The following ARAP2 variants were observed in gnomAD, a reference collection of about 807,000 sequenced individuals.
ARAP2 encodes arf-GAP with Rho-GAP domain, ANK repeat and PH domain-containing protein 2.
A neutral mutation model predicts 194.5 loss-of-function variants in ARAP2; 148 were observed. That is an observed-to-expected ratio of 0.76 (90% CI 0.67 to 0.87). ARAP2 has a LOEUF of 0.87. Among genes scored for constraint, ARAP2 ranks in the 40% least tolerant of loss-of-function variants. ARAP2 has a pLI of 0.00. For missense variants in ARAP2, 2,128 were observed against 1,989.7 expected, an observed-to-expected ratio of 1.07 and a Z score of -1.32; for synonymous variants, 695 against 683.5, an observed-to-expected ratio of 1.02 and a Z score of -0.26.
rs530978711 is a variant in ARAP2 at position 36,041,499 on chromosome 4, A to G, written n.607+4480T>C. On this transcript the variant is annotated intron_variant and non_coding_transcript_variant, in intron 5 of 12. Coordinates refer to the ARAP2 transcript ENST00000503225. ...AATGAGATACCATCTCACACTAATG[A>G]GAATGGCTATTACTAAAAAGTCAAA... is the stretch of plus-strand genomic sequence containing the variant. Among the ~76,000 whole-genome samples, 9 of 152,338 alleles carry G rather than the reference A, an allele frequency of 5.9e-5. 2 individuals are homozygous for G. In the South Asian group the frequency reaches 1.9e-3, roughly 32 times the overall value.
chr4:36,091,523 G>A (rs1449836813), intron 28 of ARAP2, among the ~76,000 whole-genome samples: 3 of 152,036 alleles, frequency 2.0e-5, no homozygotes, highest in Non-Finnish European at 2.9e-5. Context: ...TCATTTTATT[G>A]CACCTTTTAT....
At chr4:36,060,614 G>A (rs1175781182) in intron 1 of ARAP2, among the ~76,000 whole-genome samples, 3 of 152,096 alleles carry the variant, frequency 2.0e-5, no homozygotes, top group African/African-American at 7.2e-5. Context: ...ACTTTGCTAA[G>A]GTTACCATAA....
At chr4:36,055,954 C>G (rs527273320) in intron 2 of ARAP2, among the ~76,000 whole-genome samples, 4 of 152,300 alleles carry the variant, frequency 2.6e-5, no homozygotes, top group African/African-American at 9.6e-5. Context: ...TACATGATAG[C>G]ACAAACCAGA....
intron 10 of ARAP2, 73 bp downstream of exon 10, chr4:36,166,859 C>T (rs750068602): frequency 4.7e-5 from 38 of 801,816 alleles, no homozygotes; most frequent in Middle Eastern, 2.4e-4. Context: ...AAAATCACCA[C>T]GAACAACATA....
At chr4:36,142,533 C>T (rs1339682540) in intron 19 of ARAP2, among the ~76,000 whole-genome samples, 1 of 151,476 alleles carries the variant, frequency 6.6e-6, no homozygotes, top group Non-Finnish European at 1.5e-5. Flanking sequence ...CTGCTCTCCC[C>T]CAAGTCACCA....
intron 2 of ARAP2, among the ~76,000 whole-genome samples, chr4:36,217,586 T>C (rs1021402416): frequency 3.9e-5 from 6 of 152,032 alleles, no homozygotes; most frequent in Admixed American, 3.9e-4. Flanking sequence ...TTAGCAAACT[T>C]ACTAATAGGG....
At chr4:36,009,057 G>A (rs1258030931) in intron 9 of ARAP2, among the ~76,000 whole-genome samples, 1 of 152,078 alleles carries the variant, frequency 6.6e-6, no homozygotes, top group Non-Finnish European at 1.5e-5. Flanking sequence ...ACATATGTTG[G>A]TGAGGCTCTG....
rs770131995 is a variant in ARAP2 at position 36,121,269 on chromosome 4, A to G, written c.3804T>C (p.Phe1268=). The part of the protein sequence containing the change: ...HMNAHNLALV[F]SSCLFQTKGQ... ...CCTTCGTTTGAAACAAACAGGATGA[A>G]AAGACCAAGGCCAAATTATGGGCAT... is the stretch of plus-strand genomic sequence containing the variant. The change falls in exon 23 of 33, where the codon TTT becomes TTC. Residue 1268 remains phenylalanine (F), a synonymous_variant. Coordinates refer to ENST00000303965, the MANE Select transcript of ARAP2 (RefSeq NM_015230.4). 1 of 1,606,404 alleles carries G rather than the reference A, an allele frequency of 6.2e-7. No individual in the cohort carries two copies. The highest frequency in any genetic ancestry group is 8.5e-7 in the Non-Finnish European group (1 of 1,175,554).
chr4:36,241,122 A>G (rs550813698), intron 1 of ARAP2, among the ~76,000 whole-genome samples: 23 of 152,220 alleles, frequency 1.5e-4, no homozygotes, highest in Non-Finnish European at 2.8e-4. Flanking sequence ...AGAATAATTT[A>G]TTCTTCTAGA....
chr4:36,034,605 T>G (rs974988411), intron 5 of ARAP2, among the ~76,000 whole-genome samples: 1 of 152,270 alleles, frequency 6.6e-6, no homozygotes, highest in Non-Finnish European at 1.5e-5. Flanking sequence ...ATCTTTAGAC[T>G]TCTCTCTTCT....
chr4:36,203,458 C>T (rs556094583), intron 6 of ARAP2, among the ~76,000 whole-genome samples: 29 of 152,210 alleles, frequency 1.9e-4, no homozygotes, highest in African/African-American at 6.0e-4. Flanking sequence ...GTGATGTGTG[C>T]CTGTAATCCC....
At chr4:36,155,141 A>G (rs1731950275) in intron 15 of ARAP2, among the ~76,000 whole-genome samples, 1 of 152,242 alleles carries the variant, frequency 6.6e-6, no homozygotes, top group South Asian at 2.1e-4. Context: ...TTCTTCATTC[A>G]TTCCACAAAT....
intron 5 of ARAP2, among the ~76,000 whole-genome samples, chr4:36,029,331 G>A (rs1008697890): frequency 1.3e-5 from 2 of 151,766 alleles, no homozygotes; most frequent in African/African-American, 4.8e-5. Flanking sequence ...CGTACATTTT[G>A]GCCTATAATA....
intron 6 of ARAP2, among the ~76,000 whole-genome samples, chr4:36,210,024 A>T (rs527714510): frequency 1.3e-5 from 2 of 152,322 alleles, no homozygotes; most frequent in African/African-American, 4.8e-5. Flanking sequence ...AGCAAAAGCC[A>T]AACAGTGTGG....
chr4:36,144,239 A>G (rs149108928), intron 19 of ARAP2, among the ~76,000 whole-genome samples: 286 of 152,032 alleles, frequency 1.9e-3, no homozygotes, highest in Admixed American at 4.5e-3. Flanking sequence ...TTAAGCTGAT[A>G]CTTGTCTATT....
At chr4:36,107,033 T>C (rs1449088670) in intron 27 of ARAP2, among the ~76,000 whole-genome samples, 2 of 152,002 alleles carry the variant, frequency 1.3e-5, no homozygotes, top group Admixed American at 1.3e-4. Flanking sequence ...TAGTTCACTG[T>C]GCTAGCTAAC....
chr4:36,226,555 T>C (rs749558999), intron 2 of ARAP2, among the ~76,000 whole-genome samples: 115 of 152,038 alleles, frequency 7.6e-4, no homozygotes, highest in Non-Finnish European at 1.5e-3. Flanking sequence ...TTACTGCTCT[T>C]TTTGCAATTC....
At chr4:36,243,383 CAAAAA>C (rs71201008) in intron 1 of ARAP2, among the ~76,000 whole-genome samples, 11 of 85,114 alleles carry the variant, frequency 1.3e-4, no homozygotes, top group African/African-American at 5.0e-4. Flanking sequence ...GACAAGCTTG[CAAAAA>C]AAAAAAAAAA....
At chr4:36,104,609 G>A (rs185198030) in intron 27 of ARAP2, among the ~76,000 whole-genome samples, 287 of 152,000 alleles carry the variant, frequency 1.9e-3, no homozygotes, top group African/African-American at 6.3e-3. Context: ...AAAAAATCAC[G>A]ACTTAAGAAA....
Sources: allele counts gnomAD v4.1 joint callset (sites outside exome capture counted in the v4.1 genomes callset), GRCh38; gene constraint gnomAD v4.1.1; transcripts MANE v1.5; gene names NCBI Gene and HGNC (gene_info 2026-07-23, HGNC 2026-07-21).